THSD7B: variants seen among roughly 807,000 people sequenced by gnomAD.
The protein encoded by THSD7B is thrombospondin type 1 domain containing 7B.
In THSD7B, 138 loss-of-function variants were observed where a neutral mutation model predicts 213.6. That is an observed-to-expected ratio of 0.65 (90% CI 0.56 to 0.74). The LOEUF is 0.74. Among genes scored for constraint, THSD7B ranks in the 30% least tolerant of loss-of-function variants. The pLI, the probability that THSD7B is intolerant of heterozygous loss-of-function variation, is 0.00. For synonymous variants in THSD7B, 742 were observed against 687.0 expected, an observed-to-expected ratio of 1.08 and a Z score of -1.25; for missense variants, 1,931 against 1,991.5, an observed-to-expected ratio of 0.97 and a Z score of 0.58.
chr2:137,531,946 T>A (rs1680406725), intron 15 of THSD7B, among the ~76,000 whole-genome samples: 1 of 151,942 alleles, frequency 6.6e-6, no homozygotes, highest in Non-Finnish European at 1.5e-5. Context: ...AGTCTGGGGC[T>A]CATAGCCAAA....
At chr2:137,049,328 G>A (rs1301813032) in intron 2 of THSD7B, among the ~76,000 whole-genome samples, 1 of 151,900 alleles carries the variant, frequency 6.6e-6, no homozygotes, top group Non-Finnish European at 1.5e-5. Context: ...ATTTGCTCAA[G>A]GGATATCATT....
In THSD7B at chr2:137,543,691, G is replaced by C. The variant is rs1680648518; in HGVS notation, c.3139-19530G>C. Reference sequence around the variant, plus strand: ...AGTGTGAAGGCAATCCACAGAATGGGATAAAATATTTGCAAACCATACATC... The same window carrying C: ...AGTGTGAAGGCAATCCACAGAATGGCATAAAATATTTGCAAACCATACATC... On this transcript the variant is annotated intron_variant, in intron 15 of 27. Transcript: ENST00000409968. Among the ~76,000 whole-genome samples, 2 of 151,694 alleles carry C rather than the reference G, an allele frequency of 1.3e-5. 1 individual carries two copies. Among genetic ancestry groups the C allele is most frequent in the African/African-American group, 4.8e-5 (2 of 41,374 alleles).
At chr2:137,454,424 G>GTCTGTCTATCTA (rs1178884446) in intron 15 of THSD7B, among the ~76,000 whole-genome samples, 9 of 140,246 alleles carry the variant, frequency 6.4e-5, no homozygotes, top group East Asian at 4.4e-4. Flanking sequence ...CTGTCTGTCT[G>GTCTGTCTATCTA]TCTATCTATC....
At chr2:136,846,754 C>T (rs1231673731) in intron 1 of THSD7B, among the ~76,000 whole-genome samples, 2 of 152,144 alleles carry the variant, frequency 1.3e-5, no homozygotes, top group Admixed American at 6.6e-5. Flanking sequence ...AAATCACCCA[C>T]TGAAGCACTG....
chr2:137,146,827 A>G (rs1030754477), intron 5 of THSD7B, among the ~76,000 whole-genome samples: 47 of 152,268 alleles, frequency 3.1e-4, no homozygotes, highest in African/African-American at 1.1e-3. Context: ...GAGATCATGA[A>G]GCTTAGGTGA....
intron 1 of THSD7B, among the ~76,000 whole-genome samples, chr2:136,863,892 C>T (rs914287380): frequency 4.6e-5 from 7 of 152,118 alleles, no homozygotes; most frequent in African/African-American, 4.8e-5. Flanking sequence ...CAGCAACGAG[C>T]CTTGGTGATT....
At chr2:137,112,794 T>TGTGTG (rs3050092) in intron 4 of THSD7B, among the ~76,000 whole-genome samples, 3 of 151,604 alleles carry the variant, frequency 2.0e-5, no homozygotes, top group South Asian at 2.1e-4. Flanking sequence ...TGTGTGTGTG[T>TGTGTG]TTTCCACATC....
chr2:136,993,342 A>G (rs1056571234), intron 2 of THSD7B, among the ~76,000 whole-genome samples: 3 of 152,242 alleles, frequency 2.0e-5, no homozygotes, highest in Admixed American at 1.3e-4. Flanking sequence ...AGAAACAGAC[A>G]CTAAAATGGA....
At chr2:137,092,501 A>G (rs1373750605) in intron 3 of THSD7B, among the ~76,000 whole-genome samples, 1 of 152,110 alleles carries the variant, frequency 6.6e-6, no homozygotes, top group Non-Finnish European at 1.5e-5. Flanking sequence ...TTAACTCTCA[A>G]TGGCTTAATG....
intron 12 of THSD7B, among the ~76,000 whole-genome samples, chr2:137,345,185 A>G (rs1176352329): frequency 6.6e-6 from 1 of 151,750 alleles, no homozygotes; most frequent in Non-Finnish European, 1.5e-5. Flanking sequence ...TTAGCCATCA[A>G]ACATTTAAGA....
In THSD7B at chr2:137,232,943, T is replaced by C; in HGVS notation, c.1960T>C (p.Leu654=). The C allele has an allele frequency of 6.2e-7, 1 of 1,613,932 alleles. No homozygotes were observed. Among genetic ancestry groups the C allele is most frequent in the Non-Finnish European group, 8.5e-7 (1 of 1,179,820 alleles). ...TAGTCAGGCTCTCCAAGAGCATCGT[T>C]TGTGTAATGACCATTCCTGTATGCA... ...PPSQALQEHR[L]CNDHSCMQLH... is the part of the protein sequence containing the mutation. Residue 654 remains leucine (L), a synonymous_variant, in exon 9 of 28, where the codon TTG becomes CTG. Coordinates refer to ENST00000409968, the MANE Select transcript of THSD7B (RefSeq NM_001316349.2).
At chr2:137,490,417 G>T (rs1688578164) in intron 15 of THSD7B, among the ~76,000 whole-genome samples, 1 of 152,140 alleles carries the variant, frequency 6.6e-6, no homozygotes, top group Non-Finnish European at 1.5e-5. Context: ...GGGTGCAGCT[G>T]GAGCTTTAAA....
chr2:136,886,417 G>A (rs1683717593), intron 2 of THSD7B, among the ~76,000 whole-genome samples: 1 of 152,088 alleles, frequency 6.6e-6, no homozygotes, highest in Admixed American at 6.6e-5. Context: ...CCAAGGCCAT[G>A]GCAGTGGAGG....
intron 4 of THSD7B, among the ~76,000 whole-genome samples, chr2:137,109,361 T>G (rs1459066402): frequency 6.6e-6 from 1 of 152,234 alleles, no homozygotes; most frequent in African/African-American, 2.4e-5. Flanking sequence ...TGACCAGTTT[T>G]GTGGAAGATA....
At chr2:137,324,993 T>A (rs1385345878) in intron 12 of THSD7B, among the ~76,000 whole-genome samples, 1 of 152,186 alleles carries the variant, frequency 6.6e-6, no homozygotes, top group Admixed American at 6.5e-5. Context: ...TTGTTCAGTT[T>A]CCATGATATG....
intron 17 of THSD7B, among the ~76,000 whole-genome samples, chr2:137,575,254 TG>T (rs1225504410): frequency 2.0e-5 from 3 of 152,050 alleles, no homozygotes; most frequent in African/African-American, 7.2e-5. Context: ...AACACAGAAT[TG>T]TGATGAAGAA....
chr2:137,486,669 C>A (rs1190413918), intron 15 of THSD7B, among the ~76,000 whole-genome samples: 2 of 151,866 alleles, frequency 1.3e-5, no homozygotes, highest in Non-Finnish European at 2.9e-5. Context: ...GAACTCTCCA[C>A]CCCAAATCAA....
intron 2 of THSD7B, among the ~76,000 whole-genome samples, chr2:136,929,845 A>G (rs1684598718): frequency 6.6e-6 from 1 of 152,204 alleles, no homozygotes; most frequent in Admixed American, 6.5e-5. Context: ...TCGCATGACT[A>G]GATGAAGATG....
At chr2:137,236,832 T>C (rs1208282845) in intron 9 of THSD7B, among the ~76,000 whole-genome samples, 1 of 151,960 alleles carries the variant, frequency 6.6e-6, no homozygotes, top group Non-Finnish European at 1.5e-5. Context: ...TGAAGCTAGC[T>C]GGGCGCGGTG....
Sources: allele counts gnomAD v4.1 joint callset (sites outside exome capture counted in the v4.1 genomes callset), GRCh38; gene constraint gnomAD v4.1.1; transcripts MANE v1.5; gene names NCBI Gene and HGNC (gene_info 2026-07-23, HGNC 2026-07-21).